Variants in PACRG observed in about 807,000 individuals in gnomAD.
PACRG encodes the protein parkin coregulated.
A neutral mutation model predicts 29.7 loss-of-function variants in PACRG; 29 were observed. The observed-to-expected ratio is 0.98, with a 90% CI of 0.73 to 1.33. The LOEUF is 1.33. Among genes scored for constraint, PACRG ranks in the 40% most tolerant of loss-of-function variants. The probability of loss-of-function intolerance (pLI) is 0.00; values close to 1 mark genes in which losing one functional copy is unlikely to be tolerated. For synonymous variants in PACRG, 116 were observed against 118.7 expected (o/e 0.98, Z 0.15); for missense variants, 279 against 316.2 (o/e 0.88, Z 0.89).
At chr6:162,877,553 C>G (rs772953134) in intron 2 of PACRG, among the ~76,000 whole-genome samples, 35 of 150,586 alleles carry the variant, frequency 2.3e-4, no homozygotes, top group Admixed American at 5.3e-4. Context: ...CCTGCACGTT[C>G]TGCACATGTA....
At chr6:162,847,575 T>C (rs947264043) in intron 2 of PACRG, among the ~76,000 whole-genome samples, 8 of 151,428 alleles carry the variant, frequency 5.3e-5, no homozygotes, top group African/African-American at 1.9e-4. Context: ...TAAGCTGAGA[T>C]ACAGGTATGG....
At chr6:163,032,108 G>C (rs1478563741) in intron 2 of PACRG, among the ~76,000 whole-genome samples, 1 of 152,202 alleles carries the variant, frequency 6.6e-6, no homozygotes, top group Admixed American at 6.5e-5. Flanking sequence ...AAATCAGATA[G>C]AGAGAAACAA....
chr6:163,123,440 G>A (rs1256663258), intron 4 of PACRG, among the ~76,000 whole-genome samples: 1 of 152,174 alleles, frequency 6.6e-6, no homozygotes, highest in Non-Finnish European at 1.5e-5. Flanking sequence ...GGTTTGGGGG[G>A]TCGCTTTTTA....
intron 4 of PACRG, among the ~76,000 whole-genome samples, chr6:163,135,015 C>CT (rs1452454285): frequency 6.6e-6 from 1 of 152,072 alleles, no homozygotes; most frequent in African/African-American, 2.4e-5. Context: ...CACACGCATA[C>CT]TTTTTTACTC....
chr6:162,763,728 A>T (rs1009507519), intron 1 of PACRG, among the ~76,000 whole-genome samples: 1 of 152,192 alleles, frequency 6.6e-6, no homozygotes, highest in Non-Finnish European at 1.5e-5. Context: ...GAACTTTGCT[A>T]CAAGGACTTA....
intron 2 of PACRG, among the ~76,000 whole-genome samples, chr6:162,838,208 C>T (rs757450875): frequency 5.3e-5 from 8 of 152,150 alleles, no homozygotes; most frequent in Non-Finnish European, 1.2e-4. Context: ...CTCTGAATCT[C>T]CGTGGCTTGA....
intron 2 of PACRG, among the ~76,000 whole-genome samples, chr6:163,008,593 G>A (rs1040960649): frequency 2.0e-5 from 3 of 149,960 alleles, no homozygotes; most frequent in African/African-American, 4.9e-5. Flanking sequence ...TGGCCAAAGC[G>A]ATTTAATCAA....
intron 4 of PACRG, among the ~76,000 whole-genome samples, chr6:163,157,794 C>T (rs1022104317): frequency 3.9e-5 from 6 of 152,194 alleles, no homozygotes; most frequent in Admixed American, 2.0e-4. Flanking sequence ...TATTCCCCAC[C>T]GTTTGGGCCA....
At chr6:163,202,669 G>A (rs372655099) in intron 4 of PACRG, among the ~76,000 whole-genome samples, 10 of 152,230 alleles carry the variant, frequency 6.6e-5, no homozygotes, top group East Asian at 5.8e-4. Context: ...AACCTAGAGA[G>A]GATTCTAGCA....
intron 2 of PACRG, among the ~76,000 whole-genome samples, chr6:163,004,123 CCAAA>C (rs771313547): frequency 5.9e-4 from 90 of 151,912 alleles, no homozygotes; most frequent in Non-Finnish European, 2.9e-4. Context: ...CTTTACTTTC[CCAAA>C]CAAACTCATG....
At chr6:162,924,735 T>A (rs1381741175) in intron 2 of PACRG, among the ~76,000 whole-genome samples, 5 of 152,066 alleles carry the variant, frequency 3.3e-5, no homozygotes, top group Non-Finnish European at 1.5e-5. Flanking sequence ...ATCGATACCC[T>A]AACATCACAA....
intron 1 of PACRG, among the ~76,000 whole-genome samples, chr6:162,735,363 T>C (rs902390036): frequency 1.3e-5 from 2 of 152,238 alleles, no homozygotes; most frequent in Non-Finnish European, 2.9e-5. Flanking sequence ...TCCAGTGCTA[T>C]ATGAGAGTGC....
intron 4 of PACRG, among the ~76,000 whole-genome samples, chr6:163,204,404 C>T (rs560973859): frequency 2.7e-4 from 41 of 152,272 alleles, no homozygotes; most frequent in African/African-American, 8.7e-4. Flanking sequence ...ACCTTTTCCC[C>T]TTGGTTTAAT....
intron 2 of PACRG, among the ~76,000 whole-genome samples, chr6:163,039,183 G>T (rs1359421833): frequency 3.9e-5 from 6 of 152,140 alleles, no homozygotes; most frequent in African/African-American, 1.2e-4. Flanking sequence ...AGTTTCCCCT[G>T]CACTCTCTCT....
At chr6:163,095,920 C>T (rs576840954) in intron 4 of PACRG, among the ~76,000 whole-genome samples, 142 of 152,254 alleles carry the variant, frequency 9.3e-4, no homozygotes, top group African/African-American at 3.2e-3. Flanking sequence ...TTCCTACAGC[C>T]TGTGGGGAGA....
chr6:162,847,218 T>C (rs1790482364), intron 2 of PACRG, among the ~76,000 whole-genome samples: 1 of 152,228 alleles, frequency 6.6e-6, no homozygotes, highest in African/African-American at 2.4e-5. Flanking sequence ...TCAGCCATAC[T>C]TTCAACACAC....
chr6:162,766,943 A>T (rs1782842317), intron 1 of PACRG, among the ~76,000 whole-genome samples: 1 of 151,962 alleles, frequency 6.6e-6, no homozygotes, highest in Non-Finnish European at 1.5e-5. Context: ...GAAATTTTTA[A>T]ATTTGCATTT....
intron 1 of PACRG, among the ~76,000 whole-genome samples, chr6:162,805,893 G>A (rs1042682020): frequency 6.6e-6 from 1 of 152,108 alleles, no homozygotes; most frequent in Non-Finnish European, 1.5e-5. Flanking sequence ...CTCCACTGCA[G>A]TCTTGAACCC....
chr6:163,287,151 C>T (rs890543996), intron 4 of PACRG, among the ~76,000 whole-genome samples: 6 of 152,022 alleles, frequency 3.9e-5, no homozygotes, highest in East Asian at 1.9e-4. Context: ...GCTGTCGGAA[C>T]GAAAGTGATT....
Sources: gnomAD v4.1 joint callset for allele counts (sites outside exome capture counted in the v4.1 genomes callset) on GRCh38, gnomAD v4.1.1 for gene constraint, MANE v1.5 for transcripts, NCBI Gene and HGNC (gene_info 2026-07-23, HGNC 2026-07-21) for gene names.